The following SLC25A24 variants were observed in gnomAD, a reference collection of about 807,000 sequenced individuals.
SLC25A24 encodes the protein mitochondrial adenyl nucleotide antiporter SLC25A24.
Under a neutral mutation model 60.7 loss-of-function variants are expected in SLC25A24, and 49 were observed. The ratio of observed to expected loss-of-function variants is 0.81; its 90% CI spans 0.64 to 1.02. SLC25A24 has a LOEUF of 1.02. Ranked by LOEUF, SLC25A24 falls within the 50% of genes least tolerant of loss-of-function variation. SLC25A24 has a pLI of 0.00. For synonymous variants in SLC25A24, 202 were observed against 200.6 expected (o/e 1.01, Z -0.06); for missense variants, 564 against 586.3 (o/e 0.96, Z 0.39).
At chr1:108,147,885 A>G (rs1462009303) in intron 7 of SLC25A24, among the ~76,000 whole-genome samples, 2 of 149,950 alleles carry the variant, frequency 1.3e-5, no homozygotes, top group African/African-American at 4.8e-5. Flanking sequence ...ACCAGCTTTC[A>G]TCTTAGGCAC....
At chr1:108,141,876 T>A in intron 8 of SLC25A24, among the ~76,000 whole-genome samples, 1 of 152,142 alleles carries the variant, frequency 6.6e-6, no homozygotes, top group Non-Finnish European at 1.5e-5. Flanking sequence ...GGAGCTGTTG[T>A]TTAATGACTA....
At chr1:108,192,616 G>T in intron 1 of SLC25A24, 1 of 1,496,284 alleles carries the variant, frequency 6.7e-7, no homozygotes. Context: ...CGTAGAGGGA[G>T]TCCATCGAGG....
intron 3 of SLC25A24, among the ~76,000 whole-genome samples, chr1:108,165,406 C>T (rs1680219956): frequency 8.7e-6 from 1 of 115,536 alleles, no homozygotes; most frequent in African/African-American, 3.2e-5. Context: ...GAAAGTCTCC[C>T]ATTATTAATG....
In SLC25A24 at chr1:108,167,398, C is replaced by T. The variant is rs1004338989; in HGVS notation, c.399-6105G>A. ...GGTGCCCCTCCCCCAGCCTCGCTGC[C>T]GCCTTGCAGTTTGATCTCAGACTGC... is the stretch of plus-strand genomic sequence containing the variant. On this transcript the variant is annotated intron_variant, in intron 3 of 9. Coordinates refer to ENST00000565488, the MANE Select transcript of SLC25A24 (RefSeq NM_013386.5). Among the ~76,000 whole-genome samples the T allele has an allele frequency of 5.5e-3, 836 of 152,098 alleles. 6 individuals are homozygous for T. Among genetic ancestry groups the T allele is most frequent in the African/African-American group, 0.02 (815 of 41,498 alleles).
At chr1:108,159,483 T>A (rs1273423468) in intron 4 of SLC25A24, among the ~76,000 whole-genome samples, 1 of 142,834 alleles carries the variant, frequency 7.0e-6, no homozygotes, top group Non-Finnish European at 1.5e-5. Flanking sequence ...TTTTTTTTTT[T>A]AATTGATCAT....
chr1:108,182,001 T>G lies in SLC25A24; in HGVS notation c.338A>C (p.Gln113Pro). The G allele has an allele frequency of 6.2e-7, 1 of 1,612,236 alleles. No individual in the cohort carries two copies. Among genetic ancestry groups the G allele is most frequent in the Non-Finnish European group, 8.5e-7 (1 of 1,178,772 alleles). ...AGTCAGACCCAGTGTCTGGAGAGAC[T>G]GGACAATTTCTGAAGCCTCAATTTT... ...DGKIEASEIV[Q>P]SLQTLGLTIS... Residue 113 changes from glutamine (Q) to proline (P), a missense_variant, in exon 3 of 10, where the codon CAG (glutamine) becomes CCG (proline). Gln to Pro is a moderately conservative substitution (Grantham distance 76, BLOSUM62 -1). Transcript: ENST00000565488.
intron 7 of SLC25A24, among the ~76,000 whole-genome samples, chr1:108,145,226 G>C (rs1466344149): frequency 1.3e-5 from 2 of 152,172 alleles, no homozygotes; most frequent in Non-Finnish European, 2.9e-5. Context: ...CTTATGAGAA[G>C]TGTCTGTTCA....
chr1:108,152,310 C>T (rs1386927621), intron 6 of SLC25A24, among the ~76,000 whole-genome samples: 1 of 152,104 alleles, frequency 6.6e-6, no homozygotes, highest in African/African-American at 2.4e-5. Context: ...CTTGTGCCTA[C>T]ATTTCTGTCC....
intron 3 of SLC25A24, among the ~76,000 whole-genome samples, chr1:108,167,789 T>C (rs903190657): frequency 3.3e-5 from 5 of 152,208 alleles, no homozygotes; most frequent in Non-Finnish European, 7.3e-5. Context: ...ACCAGAGCTG[T>C]TCCTATTCAG....
chr1:108,162,193 T>C (rs1270839390), intron 3 of SLC25A24, among the ~76,000 whole-genome samples: 6 of 151,924 alleles, frequency 3.9e-5, no homozygotes, highest in African/African-American at 1.5e-4. Flanking sequence ...CAGTCTATCA[T>C]TGTTGGACAT....
chr1:108,174,588 A>G (rs1429605979), intron 3 of SLC25A24, among the ~76,000 whole-genome samples: 2 of 152,128 alleles, frequency 1.3e-5, no homozygotes, highest in African/African-American at 4.8e-5. Flanking sequence ...CTGTGAAAAG[A>G]GGGCCACCAT....
chr1:108,192,705 C>A lies in SLC25A24; in HGVS notation c.184-6751G>T, dbSNP rs1307677164. On this transcript the variant is annotated intron_variant, in intron 1 of 9. Coordinates refer to ENST00000565488, the MANE Select transcript of SLC25A24 (RefSeq NM_013386.5). ...GACCGACGAACGGGATCTCTGCCCA[C>A]CACACACGTCCAGTGGGAAGAGGCC... The A allele has an allele frequency of 1.9e-5, 28 of 1,438,854 alleles. 4 individuals carry two copies. Among genetic ancestry groups the A allele is most frequent in the Non-Finnish European group, 2.3e-5 (25 of 1,085,326 alleles). The allele number at this position is 1,438,854 out of a possible 1,614,324, so 89.1% of individuals were successfully genotyped here. A position where few individuals can be genotyped will look rare whatever the true frequency, so the allele number is the denominator to read the frequency against.
chr1:108,155,109 C>T lies in SLC25A24; in HGVS notation c.696G>A (p.Met232Ile), dbSNP rs369827745. The change falls in exon 6 of 10, where the codon ATG becomes ATA. Residue 232 changes from methionine (M) to isoleucine (I), a missense_variant. Met to Ile is a conservative substitution (Grantham distance 10). Transcript: ENST00000565488. ...MQVHGSKSDK[M>I]NIFGGFRQMV... Reference sequence around the variant, plus strand: ...TCTGTCGAAAGCCACCAAATATGTTCATTTTGTCTGATTTTGAACCGTGAA... The same window carrying T: ...TCTGTCGAAAGCCACCAAATATGTTTATTTTGTCTGATTTTGAACCGTGAA... 2.7e-5 allele frequency: 44 copies of T among 1,610,676 alleles called. No homozygotes were observed. The highest frequency in any genetic ancestry group is 3.6e-5 in the Non-Finnish European group (43 of 1,178,560).
At chr1:108,163,934 T>C (rs1194422340) in intron 3 of SLC25A24, among the ~76,000 whole-genome samples, 2 of 152,252 alleles carry the variant, frequency 1.3e-5, no homozygotes, top group Non-Finnish European at 1.5e-5. Flanking sequence ...GGGTTTGTCA[T>C]AGATAGCTGT....
chr1:108,154,576 C>G (rs1679841878), intron 6 of SLC25A24, among the ~76,000 whole-genome samples: 1 of 152,108 alleles, frequency 6.6e-6, no homozygotes, highest in African/African-American at 2.4e-5. Context: ...AGGTGTCACT[C>G]CAAACTCAGC....
In SLC25A24 at chr1:108,199,998, C is replaced by A; in HGVS notation, c.141G>T (p.Gly47=). The change falls in exon 1 of 10, where the codon GGG becomes GGT. Residue 47 remains glycine (G), a synonymous_variant. Coordinates refer to ENST00000565488, the MANE Select transcript of SLC25A24 (RefSeq NM_013386.5). ...CCAGAGGGATGCCCAGGTTCCTGAG[C>A]CCCTCCTGCAGCTCGCCGATGTCCA... ...GVVDIGELQE[G]LRNLGIPLGQ... The A allele has an allele frequency of 1.9e-6, 3 of 1,611,370 alleles. No homozygotes were observed. The highest frequency in any genetic ancestry group is 2.5e-6 in the Non-Finnish European group (3 of 1,179,214).
rs373023235 is a variant in SLC25A24, at chr1:108,199,949, G to A, written c.183+7C>T. The A allele has an allele frequency of 7.1e-5, 113 of 1,599,948 alleles. No homozygotes were observed. In the African/African-American group the frequency reaches 1.4e-3, roughly 20 times the overall value. On this transcript the variant is annotated splice_region_variant and intron_variant, in intron 1 of 9. Transcript: ENST00000565488. ...TACGCTCAGGCGGCGCCCCGGCGGCGACCCACCTCCTCGGCGTCCTGGCCC... is the reference window on the plus strand; with the variant it reads ...TACGCTCAGGCGGCGCCCCGGCGGCAACCCACCTCCTCGGCGTCCTGGCCC...
intron 3 of SLC25A24, among the ~76,000 whole-genome samples, chr1:108,166,797 A>G (rs897556306): frequency 1.3e-5 from 2 of 152,198 alleles, no homozygotes; most frequent in South Asian, 4.1e-4. Flanking sequence ...AGCTCGTCAG[A>G]GTCATTCTCC....
chr1:108,196,089 C>T (rs1480567129), intron 1 of SLC25A24, among the ~76,000 whole-genome samples: 2 of 151,786 alleles, frequency 1.3e-5, no homozygotes, highest in East Asian at 3.9e-4. Context: ...GAGTGAAATC[C>T]TGATTCCACT....
Sources: allele counts gnomAD v4.1 joint callset (sites outside exome capture counted in the v4.1 genomes callset), GRCh38; gene constraint gnomAD v4.1.1; transcripts MANE v1.5; gene names NCBI Gene and HGNC (gene_info 2026-07-23, HGNC 2026-07-21).